The following GABRB3 variants were observed in gnomAD, a reference collection of about 807,000 sequenced individuals.
GABRB3 encodes the protein gamma-aminobutyric acid receptor subunit beta-3.
In GABRB3, 14 loss-of-function variants were observed where a neutral mutation model predicts 52.1. That is an observed-to-expected ratio of 0.27 (90% CI 0.18 to 0.42). The LOEUF (loss-of-function observed/expected upper bound fraction) is 0.42, where lower values mean the gene tolerates loss of function less well. GABRB3 is among the 10% of genes least tolerant of loss of function. GABRB3 has a pLI of 1.00. For synonymous variants in GABRB3, 260 were observed against 232.3 expected (o/e 1.12, Z -1.08); for missense variants, 307 against 609.1 (o/e 0.50, Z 5.22).
At chr15:26,772,193 G>A (rs1373293082) in intron 3 of GABRB3, 3 of 480,574 alleles carry the variant, frequency 6.2e-6, no homozygotes, top group Non-Finnish European at 1.1e-5. Context: ...CGCCCTCGCG[G>A]CTCCGACGCC....
intron 3 of GABRB3, among the ~76,000 whole-genome samples, chr15:26,715,431 T>C (rs1017699047): frequency 1.1e-4 from 17 of 152,160 alleles, no homozygotes; most frequent in African/African-American, 3.9e-4. Flanking sequence ...GTGTGGGATG[T>C]GCTACATCCC....
intron 5 of GABRB3, 47 bp downstream of exon 5, chr15:26,583,285 C>A: frequency 6.8e-7 from 1 of 1,480,216 alleles, no homozygotes; most frequent in African/African-American, 1.4e-5. Context: ...ACAAAAGGAT[C>A]AAAAGTACAA....
In GABRB3 at chr15:26,714,312, C is replaced by T. The variant is rs142104218; in HGVS notation, c.240+58090G>A. On this transcript the variant is annotated intron_variant, in intron 3 of 8. Coordinates refer to ENST00000311550, the MANE Select transcript of GABRB3 (RefSeq NM_000814.6). ...ATAACTACTGTGAACCCCAAAAATC[C>T]GAGACAGGTTTCAGTTAATTTAGAA... 3.5e-4 allele frequency among the ~76,000 whole-genome samples: 54 copies of T among 152,244 alleles called. No individual in the cohort carries two copies. The East Asian group carries it at 0.01, about 28-fold the overall frequency.
chr15:26,713,978 C>T (rs763205304), intron 3 of GABRB3, among the ~76,000 whole-genome samples: 4 of 152,140 alleles, frequency 2.6e-5, no homozygotes, highest in African/African-American at 4.8e-5. Context: ...CTTGCCATGG[C>T]GGGGCTGAGG....
At chr15:26,553,953 C>A (rs2140659262) in intron 8 of GABRB3, among the ~76,000 whole-genome samples, 1 of 143,436 alleles carries the variant, frequency 7.0e-6, no homozygotes, top group African/African-American at 2.6e-5. Context: ...TAGCTCACAG[C>A]AGCCCCAAAT....
intron 3 of GABRB3, among the ~76,000 whole-genome samples, chr15:26,734,215 C>G (rs961774084): frequency 5.3e-5 from 8 of 151,712 alleles, no homozygotes; most frequent in African/African-American, 1.9e-4. Flanking sequence ...GTTTTTAGTA[C>G]AGATGGGGTT....
At chr15:26,749,880 A>C (rs1355641729) in intron 3 of GABRB3, 1 of 152,202 alleles carries the variant, frequency 6.6e-6, no homozygotes, top group Non-Finnish European at 1.5e-5. Flanking sequence ...ACGCAGCATC[A>C]TTCCTCAAGT....
chr15:26,744,214 A>C (rs1890279268), intron 3 of GABRB3, among the ~76,000 whole-genome samples: 1 of 152,178 alleles, frequency 6.6e-6, no homozygotes. Context: ...ACAGCGGTTG[A>C]GTATTTGAAT....
intron 8 of GABRB3, among the ~76,000 whole-genome samples, chr15:26,548,580 G>C (rs1033846383): frequency 1.3e-5 from 2 of 152,104 alleles, no homozygotes; most frequent in African/African-American, 4.8e-5. Context: ...TTACTACAGA[G>C]AAACACATGA....
At chr15:26,614,206 G>A (rs1044699620) in intron 4 of GABRB3, 1 of 152,162 alleles carries the variant, frequency 6.6e-6, no homozygotes, top group Admixed American at 6.5e-5. Flanking sequence ...TGGGCTCTTT[G>A]TAACGCAAAG....
intron 4 of GABRB3, among the ~76,000 whole-genome samples, chr15:26,602,863 A>G (rs1891639255): frequency 6.6e-6 from 1 of 152,094 alleles, no homozygotes; most frequent in African/African-American, 2.4e-5. Context: ...TTACTAGAAA[A>G]GCAAGAGCAA....
At chr15:26,745,626 C>T (rs1448133441) in intron 3 of GABRB3, among the ~76,000 whole-genome samples, 1 of 152,228 alleles carries the variant, frequency 6.6e-6, no homozygotes, top group Non-Finnish European at 1.5e-5. Flanking sequence ...ACCCACACCC[C>T]TCCTCCACTG....
chr15:26,667,934 A>C (rs566682854), intron 3 of GABRB3, among the ~76,000 whole-genome samples: 11 of 152,338 alleles, frequency 7.2e-5, no homozygotes, highest in African/African-American at 2.6e-4. Context: ...CATTTAATGC[A>C]CTGTAGTGAG....
chr15:26,757,091 T>C (rs1890683584), intron 3 of GABRB3, among the ~76,000 whole-genome samples: 1 of 152,234 alleles, frequency 6.6e-6, no homozygotes, highest in South Asian at 2.1e-4. Context: ...ATCTACCTTC[T>C]GATGAAACAT....
chr15:26,769,171 C>A (rs1219048280), intron 3 of GABRB3, among the ~76,000 whole-genome samples: 2 of 152,206 alleles, frequency 1.3e-5, no homozygotes, highest in Non-Finnish European at 2.9e-5. Flanking sequence ...AACTCTTGAA[C>A]AAATGCATAC....
At chr15:26,656,235 C>CA (rs1887369175) in intron 3 of GABRB3, among the ~76,000 whole-genome samples, 1 of 152,132 alleles carries the variant, frequency 6.6e-6, no homozygotes, top group African/African-American at 2.4e-5. Context: ...AAAAGGGAGC[C>CA]AGTTGTCGTC....
intron 3 of GABRB3, among the ~76,000 whole-genome samples, chr15:26,708,951 T>G (rs1889196363): frequency 6.6e-6 from 1 of 152,222 alleles, no homozygotes; most frequent in Non-Finnish European, 1.5e-5. Context: ...CTATTACTAT[T>G]AGTACTGCAT....
intron 5 of GABRB3, chr15:26,580,715 T>G: frequency 1.8e-6 from 1 of 540,984 alleles, no homozygotes; most frequent in Non-Finnish European, 3.4e-6. Context: ...GAGTTCTATT[T>G]GCGAAGTGTA....
intron 3 of GABRB3, among the ~76,000 whole-genome samples, chr15:26,661,791 G>A (rs1887560861): frequency 6.6e-6 from 1 of 152,166 alleles, no homozygotes; most frequent in Non-Finnish European, 1.5e-5. Flanking sequence ...AAGCAAGCCA[G>A]GATGTGAACC....
Sources: gnomAD v4.1 joint callset for allele counts (sites outside exome capture counted in the v4.1 genomes callset) on GRCh38, gnomAD v4.1.1 for gene constraint, MANE v1.5 for transcripts, NCBI Gene and HGNC (gene_info 2026-07-23, HGNC 2026-07-21) for gene names.